HDGFL3: variants seen among roughly 807,000 people sequenced by gnomAD.
HDGFL3 encodes the protein HDGF like 3.
A neutral mutation model predicts 27.6 loss-of-function variants in HDGFL3; 6 were observed. The ratio of observed to expected loss-of-function variants is 0.22; its 90% CI spans 0.12 to 0.43. The LOEUF is 0.43. Among genes scored for constraint, HDGFL3 ranks in the 20% least tolerant of loss-of-function variants. HDGFL3 has a pLI of 1.00. For synonymous variants in HDGFL3, 88 were observed against 88.9 expected (o/e 0.99, Z 0.05); for missense variants, 207 against 250.1 (o/e 0.83, Z 1.16).
chr15:83,161,992 G>A (rs2037107507), intron 2 of HDGFL3, among the ~76,000 whole-genome samples: 1 of 152,156 alleles, frequency 6.6e-6, no homozygotes, highest in Non-Finnish European at 1.5e-5. Context: ...AATTAGAACA[G>A]ATTCAAAGTC....
rs1045631298 is a variant in HDGFL3 at position 83,132,533 on chromosome 15, T to C, written c.*6737A>G. The C allele has an allele frequency of 6.7e-6, 1 of 149,696 alleles. No homozygotes were observed. Among genetic ancestry groups the C allele is most frequent in the Admixed American group, 6.6e-5 (1 of 15,052 alleles). The allele number at this position is 149,696 out of a possible 1,614,324, so 9.3% of individuals were successfully genotyped here. The stretch of plus-strand genomic sequence containing the variant: ...GAAACTTACGTGTGAATAATTTGGT[T>C]GTGAAGAGTTTACTGAAGTAAATTT... On this transcript the variant is annotated 3_prime_UTR_variant, in exon 6 of 6. Transcript: ENST00000299633.
chr15:83,198,851 G>A (rs1354906652), intron 1 of HDGFL3, among the ~76,000 whole-genome samples: 3 of 152,134 alleles, frequency 2.0e-5, no homozygotes, highest in Admixed American at 6.5e-5. Flanking sequence ...AACACCTCTC[G>A]CTAGAACCCA....
rs1384525474 is a variant in HDGFL3 at position 83,164,008 on chromosome 15, G to A, written c.152C>T (p.Thr51Ile). The change falls in exon 2 of 6, where the codon ACC (threonine) becomes ATC (isoleucine). Residue 51 changes from threonine (T) to isoleucine (I), a missense_variant. By Grantham distance (89) the Thr-to-Ile change is moderately conservative. Coordinates refer to ENST00000299633, the MANE Select transcript of HDGFL3 (RefSeq NM_016073.4). ...ATTTTTGCTAACTTACGTTTCATGG[G>A]TGCCAAAAAAGAAGATAGGATACTT... ...ANKYPIFFFG[T>I]HETAFLGPKD... 1 of 1,612,102 alleles carries A rather than the reference G, an allele frequency of 6.2e-7. No homozygotes were observed. Among genetic ancestry groups the A allele is most frequent in the Admixed American group, 1.7e-5 (1 of 59,784 alleles).
rs752478742 is a variant in HDGFL3, at chr15:83,157,671, G to A, written c.301-98C>T. 212 of 1,221,656 alleles carry A rather than the reference G, an allele frequency of 1.7e-4. No homozygotes were observed. In the Middle Eastern group the frequency reaches 3.4e-3, roughly 19 times the overall value. 75.7% of individuals were successfully genotyped at this position (1,221,656 alleles called of 1,614,324 possible). ...CTCTGTTTTCATTTGAAAGGGTTCC[G>A]CTTACTCGGAAGATTTTCAAAAACA... is the stretch of plus-strand genomic sequence containing the variant. On this transcript the variant is annotated intron_variant, in intron 3 of 5. Coordinates refer to ENST00000299633, the MANE Select transcript of HDGFL3 (RefSeq NM_016073.4).
At chr15:83,127,368 A>T (rs758379606), downstream of HDGFL3, 1 of 1,612,742 alleles carries the variant, frequency 6.2e-7, no homozygotes, top group African/African-American at 1.3e-5. Context: ...ATGCTGGCAT[A>T]TATGTTCTAT....
chr15:83,135,969 GAA>G lies in HDGFL3; in HGVS notation c.*3299_*3300del, dbSNP rs1349143903. Reference sequence around the variant, plus strand: ...TGAGCTCTTGCTGCAAGGAGTAGATGAAAGACTGATAAATGAAGCTGAGGTCC... The same window carrying G: ...TGAGCTCTTGCTGCAAGGAGTAGATGAGACTGATAAATGAAGCTGAGGTCC... On this transcript the variant is annotated 3_prime_UTR_variant, in exon 6 of 6. Coordinates refer to ENST00000299633, the MANE Select transcript of HDGFL3 (RefSeq NM_016073.4). 2.0e-5 allele frequency: 3 copies of G among 152,284 alleles called. No homozygotes were observed. The highest frequency in any genetic ancestry group is 1.3e-4 in the Admixed American group (2 of 15,260). The allele number at this position is 152,284 out of a possible 1,614,324, so 9.4% of individuals were successfully genotyped here.
chr15:83,192,144 GT>G (rs2037518973), intron 1 of HDGFL3: 1 of 332,890 alleles, frequency 3.0e-6, no homozygotes, highest in African/African-American at 2.3e-5. Context: ...GTTTCACCAT[GT>G]TGGCCAGGCT....
In HDGFL3 at chr15:83,151,199, A is replaced by G. The variant is rs2036959421; in HGVS notation, c.606+16T>C. The G allele has an allele frequency of 6.2e-7, 1 of 1,602,222 alleles. No individual in the cohort carries two copies. Among genetic ancestry groups the G allele is most frequent in the Non-Finnish European group, 8.5e-7 (1 of 1,176,764 alleles). On this transcript the variant is annotated intron_variant, in intron 5 of 5. Transcript: ENST00000299633. ...CTTCTAATAGAAGGTAAGAGAAATT[A>G]TAAGCACATCCTTACCCCTTCACTG...
rs1300330564 is a variant in HDGFL3, at chr15:83,207,242, G to A, written c.84+89C>T. The A allele has an allele frequency of 4.2e-6, 4 of 941,344 alleles. No individual in the cohort carries two copies. Among genetic ancestry groups the A allele is most frequent in the Middle Eastern group, 3.8e-4 (1 of 2,638 alleles). The allele number at this position is 941,344 out of a possible 1,614,324, so 58.3% of individuals were successfully genotyped here. A position where few individuals can be genotyped will look rare whatever the true frequency, so the allele number is the denominator to read the frequency against. On this transcript the variant is annotated intron_variant, in intron 1 of 5. Coordinates refer to ENST00000299633, the MANE Select transcript of HDGFL3 (RefSeq NM_016073.4). This position sits in a 1 kb window ranked among gnomAD's most constrained non-coding sequence, Gnocchi z 4.8. ...AGCCGGCCGCGAGCTGCGGGCTCGG[G>A]GCTGAGGCGATGGGGAAAGGGGGCG...
In HDGFL3 at chr15:83,139,202, G is replaced by T; in HGVS notation, c.*68C>A. 1 of 1,129,172 alleles carries T rather than the reference G, an allele frequency of 8.9e-7. No homozygotes were observed. Among genetic ancestry groups the T allele is most frequent in the South Asian group, 2.5e-5 (1 of 40,052 alleles). The allele number at this position is 1,129,172 out of a possible 1,614,324, so 69.9% of individuals were successfully genotyped here. Reference sequence around the variant, plus strand: ...ATGTGTTGGTTCATATCAAATCCAAGAATATTAGACAACCAAACATATAAC... The same window carrying T: ...ATGTGTTGGTTCATATCAAATCCAATAATATTAGACAACCAAACATATAAC... On this transcript the variant is annotated 3_prime_UTR_variant, in exon 6 of 6. Coordinates refer to ENST00000299633, the MANE Select transcript of HDGFL3 (RefSeq NM_016073.4).
intron 5 of HDGFL3, among the ~76,000 whole-genome samples, chr15:83,140,847 T>C (rs1036997338): frequency 6.6e-6 from 1 of 152,228 alleles, no homozygotes; most frequent in Non-Finnish European, 1.5e-5. Context: ...ATGTTTATCT[T>C]GGTAGAATAA....
At chr15:83,145,897 CTTTTTTTTTTTT>C (rs3082058) in intron 5 of HDGFL3, among the ~76,000 whole-genome samples, 4 of 49,436 alleles carry the variant, frequency 8.1e-5, no homozygotes, top group Non-Finnish European at 1.0e-4. Flanking sequence ...TTTCTTCTTC[CTTTTTTTTTTTT>C]TTTTTTTTTT....
At chr15:83,196,095 A>T (rs983587097) in intron 1 of HDGFL3, among the ~76,000 whole-genome samples, 1 of 151,964 alleles carries the variant, frequency 6.6e-6, no homozygotes, top group African/African-American at 2.4e-5. Context: ...AATATAATAG[A>T]TATGTTAGAT....
In HDGFL3 at chr15:83,207,310, G is replaced by A; in HGVS notation, c.84+21C>T. ...GGGAAAATGGTGGGCGGGCGGGCCC[G>A]CGCGCGGCCGCGGTACTCACCCGGG... On this transcript the variant is annotated intron_variant, in intron 1 of 5. Transcript: ENST00000299633. This position sits in a 1 kb window ranked among gnomAD's most constrained non-coding sequence, Gnocchi z 4.8. 1 of 1,337,416 alleles carries A rather than the reference G, an allele frequency of 7.5e-7. No individual in the cohort carries two copies. Among genetic ancestry groups the A allele is most frequent in the Non-Finnish European group, 9.6e-7 (1 of 1,038,024 alleles). The allele number at this position is 1,337,416 out of a possible 1,614,324, so 82.8% of individuals were successfully genotyped here. A position where few individuals can be genotyped will look rare whatever the true frequency, so the allele number is the denominator to read the frequency against.
At chr15:83,127,566 G>A, downstream of HDGFL3, 1 of 1,439,098 alleles carries the variant, frequency 6.9e-7, no homozygotes, top group Non-Finnish European at 9.6e-7. Flanking sequence ...CAGTGTTTTA[G>A]ACTAGGAGAT....
At chr15:83,187,791 G>A (rs1333990240) in intron 1 of HDGFL3, among the ~76,000 whole-genome samples, 1 of 151,934 alleles carries the variant, frequency 6.6e-6, no homozygotes, top group Non-Finnish European at 1.5e-5. Context: ...GGGAGGCTGA[G>A]GCAGGAGAAC....
At chr15:83,161,717 A>G (rs1342289262) in intron 2 of HDGFL3, among the ~76,000 whole-genome samples, 1 of 152,172 alleles carries the variant, frequency 6.6e-6, no homozygotes, top group Non-Finnish European at 1.5e-5. Context: ...AACTGTTCTA[A>G]AACAAGTTGT....
intron 1 of HDGFL3, among the ~76,000 whole-genome samples, chr15:83,169,452 GAAAA>G (rs2037218224): frequency 2.1e-5 from 2 of 94,220 alleles, no homozygotes; most frequent in Non-Finnish European, 4.3e-5. Flanking sequence ...AAAAAAGAAA[GAAAA>G]GAAAAGAAGA....
chr15:83,153,737 C>T (rs1304955533), intron 4 of HDGFL3, among the ~76,000 whole-genome samples: 1 of 152,044 alleles, frequency 6.6e-6, no homozygotes, highest in Non-Finnish European at 1.5e-5. Flanking sequence ...AATTTGTATG[C>T]AAAATATTTT....
Sources: gnomAD v4.1 joint callset for allele counts (sites outside exome capture counted in the v4.1 genomes callset) on GRCh38, gnomAD v4.1.1 for gene constraint, Gnocchi (gnomAD v3.1) non-coding constraint, MANE v1.5 for transcripts, NCBI Gene and HGNC (gene_info 2026-07-23, HGNC 2026-07-21) for gene names.